NCOA7: variants seen among roughly 807,000 people sequenced by gnomAD.
The protein encoded by NCOA7 is 140 kDa estrogen receptor-associated protein.
A neutral mutation model predicts 104.3 loss-of-function variants in NCOA7; 45 were observed. The ratio of observed to expected loss-of-function variants is 0.43; its 90% confidence interval spans 0.34 to 0.55. NCOA7 has a LOEUF of 0.55. Among genes scored for constraint, NCOA7 ranks in the 20% least tolerant of loss-of-function variants. The probability of loss-of-function intolerance (pLI) is 0.02; values close to 1 mark genes in which losing one functional copy is unlikely to be tolerated. For synonymous variants in NCOA7, 398 were observed against 402.3 expected (o/e 0.99, Z 0.13); for missense variants, 1,041 against 1,119.7 (o/e 0.93, Z 1.00).
At chr6:125,822,087 C>T (rs925345633) in intron 2 of NCOA7, among the ~76,000 whole-genome samples, 20 of 152,146 alleles carry the variant, frequency 1.3e-4, no homozygotes, top group African/African-American at 4.6e-4. Flanking sequence ...GAACTCTTGC[C>T]CTTTCTTTAA....
intron 2 of NCOA7, among the ~76,000 whole-genome samples, chr6:125,830,501 C>A (rs951934767): frequency 6.6e-5 from 10 of 152,058 alleles, no homozygotes; most frequent in Non-Finnish European, 1.0e-4. Context: ...CCAGCCTGGG[C>A]AACATAGTGA....
intron 2 of NCOA7, among the ~76,000 whole-genome samples, chr6:125,846,408 C>T (rs1455775513): frequency 2.0e-5 from 3 of 150,256 alleles, no homozygotes; most frequent in Non-Finnish European, 2.9e-5. Context: ...ACATTTCCTA[C>T]TCTTCTCCGC....
intron 13 of NCOA7, among the ~76,000 whole-genome samples, chr6:125,925,411 C>T (rs575564720): frequency 9.2e-5 from 14 of 152,324 alleles, no homozygotes; most frequent in African/African-American, 3.4e-4. Context: ...ACTTCATAGT[C>T]TGGCCAAAGA....
At chr6:125,785,762 G>A (rs1774436008) in intron 1 of NCOA7, among the ~76,000 whole-genome samples, 1 of 152,150 alleles carries the variant, frequency 6.6e-6, no homozygotes, top group African/African-American at 2.4e-5. Context: ...TTCAAAAGCA[G>A]ATATTTTTAA....
At chr6:125,840,814 AT>A (rs1780056596) in intron 2 of NCOA7, among the ~76,000 whole-genome samples, 1 of 129,802 alleles carries the variant, frequency 7.7e-6, no homozygotes, top group African/African-American at 3.1e-5. Context: ...CCTGGACACC[AT>A]TTTTTAATAC....
At chr6:125,790,593 G>A, upstream of NCOA7, among the ~76,000 whole-genome samples, 1 of 149,524 alleles carries the variant, frequency 6.7e-6, no homozygotes, top group East Asian at 2.0e-4. Context: ...GGAGGATGCC[G>A]CAACTGCAGT....
rs189116110 is a variant in NCOA7 at position 125,858,416 on chromosome 6, A to T, written c.271+3176A>T. Among the ~76,000 whole-genome samples the T allele has an allele frequency of 2.0e-3, 309 of 152,084 alleles. 1 individual carries two copies. The highest frequency in any genetic ancestry group is 7.2e-3 in the African/African-American group (298 of 41,506). ...AGCACTTTGGGAGGCTAAGGTTAGG[A>T]GGATCACTGGAGGCCAGGAGTTCAA... is the stretch of plus-strand genomic sequence containing the variant. On this transcript the variant is annotated intron_variant, in intron 3 of 15. Transcript: ENST00000392477.
rs141499952 is a variant in NCOA7 at position 125,798,922 on chromosome 6, C to T, written c.-65+7855C>T. Reference sequence around the variant, plus strand: ...TCCTTTTAAAGCTACTAATATTTCACTTCCTCAAAATCTTCACCCACGCAT... The same window carrying T: ...TCCTTTTAAAGCTACTAATATTTCATTTCCTCAAAATCTTCACCCACGCAT... On this transcript the variant is annotated intron_variant, in intron 1 of 15. Coordinates refer to ENST00000392477, the MANE Select transcript of NCOA7 (RefSeq NM_181782.5). Among the ~76,000 whole-genome samples, 504 of 152,208 alleles carry T rather than the reference C, an allele frequency of 3.3e-3. 7 individuals are homozygous for T. Among genetic ancestry groups the T allele is most frequent in the African/African-American group, 0.012 (485 of 41,532 alleles).
At chr6:125,830,714 A>C (rs1045508729) in intron 2 of NCOA7, among the ~76,000 whole-genome samples, 108 of 143,474 alleles carry the variant, frequency 7.5e-4, no homozygotes, top group African/African-American at 1.3e-3. Flanking sequence ...GTCTCTCTCT[A>C]TATATTTTAT....
In NCOA7 at chr6:125,806,442, T is replaced by C. The variant is rs1463217597; in HGVS notation, c.-64-8849T>C. ...CATATGGAAAACAGAACTTCTCAGGTATATGAAGTTTATAAAATCTCGGCT... is the reference window on the plus strand; with the variant it reads ...CATATGGAAAACAGAACTTCTCAGGCATATGAAGTTTATAAAATCTCGGCT... On this transcript the variant is annotated intron_variant, in intron 1 of 15. Coordinates refer to ENST00000392477, the MANE Select transcript of NCOA7 (RefSeq NM_181782.5). Among the ~76,000 whole-genome samples, 5 of 152,176 alleles carry C rather than the reference T, an allele frequency of 3.3e-5. No individual in the cohort carries two copies. The South Asian group carries it at 1.0e-3, about 32-fold the overall frequency.
At chr6:125,853,561 T>TA (rs1301797412) in intron 2 of NCOA7, among the ~76,000 whole-genome samples, 1 of 152,192 alleles carries the variant, frequency 6.6e-6, no homozygotes, top group Non-Finnish European at 1.5e-5. Context: ...AATGAATATC[T>TA]AAGAACCTGG....
chr6:125,888,790 C>T, intron 8 of NCOA7, 149 bp from the exon 9 acceptor site: 1 of 501,530 alleles, frequency 2.0e-6, no homozygotes, highest in South Asian at 4.4e-5. Flanking sequence ...TTTTTTTATT[C>T]TGAAATCATT....
intron 9 of NCOA7, 78 bp downstream of exon 9, chr6:125,890,059 T>C: frequency 9.6e-7 from 1 of 1,039,074 alleles, no homozygotes; most frequent in South Asian, 2.3e-5. Flanking sequence ...AATACCCACA[T>C]TAGTACATTT....
At chr6:125,887,675 C>T (rs901900906) in intron 8 of NCOA7, among the ~76,000 whole-genome samples, 1 of 152,152 alleles carries the variant, frequency 6.6e-6, no homozygotes, top group Non-Finnish European at 1.5e-5. Context: ...TACTTTGTTG[C>T]TTTATTGTCA....
intron 1 of NCOA7, among the ~76,000 whole-genome samples, chr6:125,797,021 C>T (rs1031156873): frequency 1.1e-4 from 17 of 152,306 alleles, no homozygotes; most frequent in East Asian, 9.7e-4. Flanking sequence ...TGTGTTAACA[C>T]CCATTAAAAA....
intron 12 of NCOA7, among the ~76,000 whole-genome samples, chr6:125,921,654 G>A (rs576808386): frequency 1.3e-4 from 20 of 152,144 alleles, no homozygotes; most frequent in South Asian, 1.0e-3. Context: ...AATTTTAAGC[G>A]TCCTACCATA....
intron 2 of NCOA7, among the ~76,000 whole-genome samples, chr6:125,834,600 T>C (rs896226632): frequency 2.0e-5 from 3 of 152,226 alleles, no homozygotes; most frequent in African/African-American, 7.2e-5. Flanking sequence ...CACTCTACTT[T>C]AGCAGACCAA....
At chr6:125,848,524 A>G (rs1160131965) in intron 2 of NCOA7, among the ~76,000 whole-genome samples, 1 of 152,198 alleles carries the variant, frequency 6.6e-6, no homozygotes, top group East Asian at 1.9e-4. Flanking sequence ...GCTGGAAACC[A>G]TCATTCTCAG....
At chr6:125,858,500 A>G (rs1174623363) in intron 3 of NCOA7, among the ~76,000 whole-genome samples, 2 of 151,974 alleles carry the variant, frequency 1.3e-5, no homozygotes, top group East Asian at 1.9e-4. Context: ...AGCCAGGCAT[A>G]GTAGCACACA....
Sources: gnomAD v4.1 joint callset for allele counts (sites outside exome capture counted in the v4.1 genomes callset) on GRCh38, gnomAD v4.1.1 for gene constraint, MANE v1.5 for transcripts, NCBI Gene and HGNC (gene_info 2026-07-23, HGNC 2026-07-21) for gene names.